TET2: variants seen among roughly 807,000 people sequenced by gnomAD.
TET2 encodes the protein methylcytosine dioxygenase TET2.
TET2 carries 299 observed loss-of-function variants against 142.9 expected under a neutral mutation model. The ratio of observed to expected loss-of-function variants is 2.09; its 90% CI spans 1.90 to 2.30. The LOEUF is 2.30. TET2 is among the 30% of genes most tolerant of loss of function. The probability of loss-of-function intolerance (pLI) is 0.00; values close to 1 mark genes in which losing one functional copy is unlikely to be tolerated. For missense variants in TET2, 2,418 were observed against 2,378.0 expected (o/e 1.02, Z -0.35); for synonymous variants, 819 against 849.0 (o/e 0.96, Z 0.61).
chr4:105,221,268 A>G (rs1429155370), intron 2 of TET2, among the ~76,000 whole-genome samples: 3 of 152,132 alleles, frequency 2.0e-5, no homozygotes, highest in African/African-American at 4.8e-5. Flanking sequence ...AGAATTGACA[A>G]AAGATCATGC....
rs930057864 is a variant in TET2 at position 105,276,846 on chromosome 4, C to T, written c.*327C>T. The T allele has an allele frequency of 4.6e-6, 1 of 215,324 alleles. No individual in the cohort carries two copies. Among genetic ancestry groups the T allele is most frequent in the Non-Finnish European group, 9.2e-6 (1 of 108,590 alleles). The allele number at this position is 215,324 out of a possible 1,614,324, so 13.3% of individuals were successfully genotyped here. A position where few individuals can be genotyped will look rare whatever the true frequency, so the allele number is the denominator to read the frequency against. ...ATGATATGTAAATGTGATCCCCCCC[C>T]CCCGCTTACAACTCTACACATCTGT... On this transcript the variant is annotated 3_prime_UTR_variant, in exon 11 of 11. Transcript: ENST00000380013.
chr4:105,199,476 T>G (rs1726310975), intron 2 of TET2, among the ~76,000 whole-genome samples: 1 of 152,238 alleles, frequency 6.6e-6, no homozygotes, highest in African/African-American at 2.4e-5. Context: ...ATCTTGTTTC[T>G]TCAAGTCCCT....
rs749172180 is a variant in TET2, at chr4:105,233,955, A to G, written c.13A>G (p.Arg5Gly). MEQD[R>G]TNHVEGNRLS... ...CGAAGCAAGCCTGATGGAACAGGAT[A>G]GAACCAACCATGTTGAGGGCAACAG... Residue 5 changes from arginine to glycine, a missense_variant, in exon 3 of 11, where the codon AGA (arginine) becomes GGA (glycine). Transcript: ENST00000380013. 2 of 1,613,848 alleles carry G rather than the reference A, an allele frequency of 1.2e-6. No homozygotes were observed. The highest frequency in any genetic ancestry group is 1.7e-6 in the Non-Finnish European group (2 of 1,179,914).
In TET2 at chr4:105,221,279, T is replaced by C. The variant is rs184915588; in HGVS notation, c.-46-12618T>C. Among the ~76,000 whole-genome samples, 757 of 152,222 alleles carry C rather than the reference T, an allele frequency of 5.0e-3. 1 individual carries two copies. Among genetic ancestry groups the C allele is most frequent in the Admixed American group, 0.011 (172 of 15,258 alleles). On this transcript the variant is annotated intron_variant, in intron 2 of 10. Coordinates refer to ENST00000380013, the MANE Select transcript of TET2 (RefSeq NM_001127208.3). ...ATAGAGAATTGACAAAAGATCATGC[T>C]CATTTTACCAATAAGAAACTGGTTG...
At chr4:105,190,149 G>A (rs1725699572) in intron 1 of TET2, among the ~76,000 whole-genome samples, 1 of 152,148 alleles carries the variant, frequency 6.6e-6, no homozygotes, top group African/African-American at 2.4e-5. Flanking sequence ...CTTTGGGCAT[G>A]GCAAAGTGTT....
At chr4:105,204,233 A>ACACG (rs1726669448) in intron 2 of TET2, among the ~76,000 whole-genome samples, 1 of 46,384 alleles carries the variant, frequency 2.2e-5, no homozygotes, top group Non-Finnish European at 5.1e-5. Flanking sequence ...AAAAAAATAT[A>ACACG]TACACACACA....
At chr4:105,155,131 T>A (rs973752753) in intron 1 of TET2, among the ~76,000 whole-genome samples, 1 of 152,210 alleles carries the variant, frequency 6.6e-6, no homozygotes, top group Admixed American at 6.5e-5. Context: ...ATTAATGTCT[T>A]ATCTATGTGA....
chr4:105,266,135 GC>G lies in TET2; in HGVS notation c.4045-3474del, dbSNP rs199755099. ...GGGAAAGAACCATCAGAAGAAGCAG[GC>G]AGAATAATCCCTTGATCTCACACAG... On this transcript the variant is annotated intron_variant, in intron 8 of 10. Transcript: ENST00000380013. 2.0e-3 allele frequency among the ~76,000 whole-genome samples: 299 copies of G among 152,242 alleles called. 1 individual carries two copies. The highest frequency in any genetic ancestry group is 7.0e-3 in the African/African-American group (290 of 41,534).
chr4:105,170,420 G>C (rs535717712), intron 1 of TET2, among the ~76,000 whole-genome samples: 1 of 152,066 alleles, frequency 6.6e-6, no homozygotes, highest in African/African-American at 2.4e-5. Context: ...CAAAAGTTTG[G>C]GGTTGTAGTG....
chr4:105,183,900 ACTT>A (rs1430376758), intron 1 of TET2, among the ~76,000 whole-genome samples: 1 of 152,040 alleles, frequency 6.6e-6, no homozygotes, highest in Non-Finnish European at 1.5e-5. Context: ...CTCCTATACT[ACTT>A]GAAATTTCTA....
chr4:105,157,438 T>C (rs1304653543), intron 1 of TET2, among the ~76,000 whole-genome samples: 1 of 152,188 alleles, frequency 6.6e-6, no homozygotes, highest in Non-Finnish European at 1.5e-5. Flanking sequence ...GAAATGGTTT[T>C]TTCTCCAGTG....
intron 1 of TET2, among the ~76,000 whole-genome samples, chr4:105,150,122 A>T (rs1723227454): frequency 6.6e-6 from 1 of 152,236 alleles, no homozygotes; most frequent in South Asian, 2.1e-4. Context: ...ATTCATAGGC[A>T]CACCTCACAG....
intron 2 of TET2, among the ~76,000 whole-genome samples, chr4:105,195,666 T>A (rs1242600748): frequency 6.6e-6 from 1 of 151,722 alleles, no homozygotes; most frequent in African/African-American, 2.4e-5. Context: ...TAGGGAATAG[T>A]GACAAGAAAA....
At chr4:105,273,016 G>C in intron 10 of TET2, 98 bp downstream of exon 10, 8 of 905,106 alleles carry the variant, frequency 8.8e-6, no homozygotes, top group Non-Finnish European at 1.3e-5. Context: ...GTAAGTTCTG[G>C]GGTACACATG....
At position 105,187,005 on chromosome 4, in the gene TET2, G is replaced by C. The variant is rs964458696; in HGVS notation, c.-192-3355G>C. ...TTGGGCATATAAAACTAGAATTCATGGTTTCTCCTTGATAGTTTGCCAGCT... is the reference window on the plus strand; with the variant it reads ...TTGGGCATATAAAACTAGAATTCATCGTTTCTCCTTGATAGTTTGCCAGCT... On this transcript the variant is annotated intron_variant, in intron 1 of 10. Transcript: ENST00000380013. 2.6e-5 allele frequency among the ~76,000 whole-genome samples: 4 copies of C among 152,074 alleles called. No individual in the cohort carries two copies. The South Asian group carries it at 6.2e-4, about 24-fold the overall frequency.
chr4:105,240,556 T>C, intron 3 of TET2: 1 of 1,079,388 alleles, frequency 9.3e-7, no homozygotes, highest in Non-Finnish European at 1.1e-6. Context: ...CCCCACACTG[T>C]GTAGAAGGAT....
At chr4:105,231,302 A>G (rs1430054517) in intron 2 of TET2, among the ~76,000 whole-genome samples, 3 of 152,180 alleles carry the variant, frequency 2.0e-5, no homozygotes, top group Admixed American at 1.3e-4. Flanking sequence ...TAAGTGAATA[A>G]TTTGACAACT....
intron 6 of TET2, among the ~76,000 whole-genome samples, chr4:105,259,087 T>G (rs1730288539): frequency 6.6e-6 from 1 of 152,100 alleles, no homozygotes. Context: ...ATATCAAGTA[T>G]AAAAGTAGGC....
intron 2 of TET2, among the ~76,000 whole-genome samples, chr4:105,227,173 C>G (rs1728241986): frequency 6.6e-6 from 1 of 152,122 alleles, no homozygotes; most frequent in Non-Finnish European, 1.5e-5. Flanking sequence ...AAACTGTATT[C>G]ATTCTTAAAT....
Sources: allele counts gnomAD v4.1 joint callset (sites outside exome capture counted in the v4.1 genomes callset), GRCh38; gene constraint gnomAD v4.1.1; transcripts MANE v1.5; gene names NCBI Gene and HGNC (gene_info 2026-07-23, HGNC 2026-07-21).